Variants in CACNA1A observed in about 807,000 individuals in gnomAD.
CACNA1A encodes the protein calcium voltage-gated channel subunit alpha1 A.
Under a neutral mutation model 262.4 loss-of-function variants are expected in CACNA1A, and 57 were observed. The ratio of observed to expected loss-of-function variants is 0.22; its 90% CI spans 0.18 to 0.27. The LOEUF (loss-of-function observed/expected upper bound fraction) is 0.27, where lower values mean the gene tolerates loss of function less well. CACNA1A is among the 10% of genes least tolerant of loss of function. The pLI, the probability that CACNA1A is intolerant of heterozygous loss-of-function variation, is 1.00. For missense variants in CACNA1A, 2,526 were observed against 3,562.8 expected, an observed-to-expected ratio of 0.71 and a Z score of 7.41; for synonymous variants, 1,431 against 1,419.3, an observed-to-expected ratio of 1.01 and a Z score of -0.18.
intron 6 of CACNA1A, among the ~76,000 whole-genome samples, chr19:13,351,894 C>G (rs113029572): frequency 6.6e-6 from 1 of 152,168 alleles, no homozygotes. Context: ...ATCCTCCCAC[C>G]TCAGCTTCCT....
chr19:13,261,322 G>T, intron 26 of CACNA1A, 128 bp downstream of exon 26: 1 of 752,288 alleles, frequency 1.3e-6, no homozygotes, highest in Non-Finnish European at 2.1e-6. Flanking sequence ...CAAGCTGGTT[G>T]CAACTGAGTC....
intron 3 of CACNA1A, among the ~76,000 whole-genome samples, chr19:13,401,287 C>CACTT (rs2059896137): frequency 6.6e-6 from 1 of 152,234 alleles, no homozygotes; most frequent in South Asian, 2.1e-4. Flanking sequence ...CCAACTCTGC[C>CACTT]ACTTCCTAGC....
intron 24 of CACNA1A, chr19:13,275,643 AGG>A (rs34873095): frequency 1.7e-6 from 1 of 586,794 alleles, no homozygotes; most frequent in Admixed American, 2.6e-5. Context: ...GGTTGGCAGG[AGG>A]GGGGGTCCCT....
chr19:13,341,142 T>C (rs1465416170), intron 6 of CACNA1A, among the ~76,000 whole-genome samples: 1 of 152,056 alleles, frequency 6.6e-6, no homozygotes, highest in Non-Finnish European at 1.5e-5. Flanking sequence ...AGAGACAACC[T>C]TGCACAGAGG....
intron 11 of CACNA1A, among the ~76,000 whole-genome samples, chr19:13,313,051 G>C (rs537900893): frequency 4.9e-4 from 75 of 151,946 alleles, no homozygotes; most frequent in African/African-American, 1.8e-3. Flanking sequence ...GTGGAGATGG[G>C]GGTCTCACTA....
At chr19:13,496,415 G>T (rs1469502053) in intron 1 of CACNA1A, among the ~76,000 whole-genome samples, 1 of 152,162 alleles carries the variant, frequency 6.6e-6, no homozygotes, top group Non-Finnish European at 1.5e-5. Context: ...GTTAGAGGAA[G>T]GGGAAGCTGT....
chr19:13,436,201 A>C (rs1288344049), intron 3 of CACNA1A, among the ~76,000 whole-genome samples: 2 of 152,170 alleles, frequency 1.3e-5, no homozygotes, highest in African/African-American at 4.8e-5. Context: ...GCTTTTTCGA[A>C]GCACTCAGCA....
chr19:13,233,549 A>G (rs573981705), intron 34 of CACNA1A, among the ~76,000 whole-genome samples: 4 of 152,224 alleles, frequency 2.6e-5, no homozygotes, highest in Admixed American at 6.5e-5. Context: ...GTGCAGTGGC[A>G]CAATCATAGC....
At chr19:13,369,181 T>A (rs1194724595) in intron 4 of CACNA1A, among the ~76,000 whole-genome samples, 1 of 152,158 alleles carries the variant, frequency 6.6e-6, no homozygotes, top group Admixed American at 6.5e-5. Context: ...GCTATGGATG[T>A]TGGTTGCTAA....
Position 13,207,704 on chromosome 19 carries a change from C to G in CACNA1A, c.7130G>C (p.Ser2377Thr). ...GTGTCGACAGGCCCTGGGGGACTCG[C>G]TCCGGGCCGGGCCTGGGACCCGCCT... is the stretch of plus-strand genomic sequence containing the variant. The part of the protein sequence containing the change: ...MERRVPGPAR[S>T]ESPRACRHGG... The change falls in exon 47 of 47, where the codon AGC (serine) becomes ACC (threonine). Residue 2377 changes from serine (S) to threonine (T), a missense_variant. Ser to Thr is a moderately conservative substitution (Grantham distance 58). Around this residue, in one of 17 missense-constraint regions of CACNA1A, gnomAD observed 929 missense variants for 868.1 expected, o/e 1.07. Transcript: ENST00000360228. The surrounding 1 kb of genome is among the most constrained non-coding windows in gnomAD (Gnocchi z 5.7). The G allele has an allele frequency of 7.3e-7, 1 of 1,369,256 alleles. No individual in the cohort carries two copies. Among genetic ancestry groups the G allele is most frequent in the South Asian group, 1.7e-5 (1 of 59,672 alleles). 84.8% of individuals were successfully genotyped at this position (1,369,256 alleles called of 1,614,324 possible). A position where few individuals can be genotyped will look rare whatever the true frequency, so the allele number is the denominator to read the frequency against.
At chr19:13,467,704 A>C (rs4926291) in intron 1 of CACNA1A, among the ~76,000 whole-genome samples, 1 of 150,966 alleles carries the variant, frequency 6.6e-6, no homozygotes, top group Admixed American at 6.6e-5. Flanking sequence ...TCCTGGGTTC[A>C]AGTGATTCTC....
intron 3 of CACNA1A, among the ~76,000 whole-genome samples, chr19:13,389,573 A>C (rs1010858526): frequency 6.6e-6 from 1 of 151,974 alleles, no homozygotes; most frequent in Admixed American, 6.6e-5. Flanking sequence ...TGGCTTATTC[A>C]CATATTTTTT....
At chr19:13,303,083 G>A (rs1193277717) in intron 17 of CACNA1A, among the ~76,000 whole-genome samples, 1 of 152,092 alleles carries the variant, frequency 6.6e-6, no homozygotes, top group Admixed American at 6.5e-5. Flanking sequence ...GAGAGAAGGT[G>A]GGGACATTTA....
At chr19:13,261,711 AT>A in intron 25 of CACNA1A, 101 bp from the exon 26 acceptor site, 1 of 1,164,040 alleles carries the variant, frequency 8.6e-7, no homozygotes, top group Non-Finnish European at 1.2e-6. Flanking sequence ...GATCATTCCC[AT>A]TTTACAGGCA....
rs61178346 is a variant in CACNA1A at position 13,212,827 on chromosome 19, TACACAC to T, written c.5941-93_5941-88del. On this transcript the variant is annotated intron_variant, in intron 40 of 46. Transcript: ENST00000360228. The surrounding 1 kb of genome is among the most constrained non-coding windows in gnomAD (Gnocchi z 5.6). ...AGAAGGCATTGCGACATCCCCAGTATACACACACACACACACACACACTCTCTCAGG... is the reference window on the plus strand; with the variant it reads ...AGAAGGCATTGCGACATCCCCAGTATACACACACACACACACTCTCTCAGG... 2.5e-5 allele frequency: 13 copies of T among 518,254 alleles called. No homozygotes were observed. Among genetic ancestry groups the T allele is most frequent in the South Asian group, 2.3e-4 (7 of 30,656 alleles). The allele number at this position is 518,254 out of a possible 1,614,324, so 32.1% of individuals were successfully genotyped here.
intron 1 of CACNA1A, among the ~76,000 whole-genome samples, chr19:13,475,967 G>T (rs1158188683): frequency 6.6e-6 from 1 of 152,146 alleles, no homozygotes; most frequent in East Asian, 1.9e-4. Context: ...TAGTGCAGGG[G>T]TTTATATGAG....
chr19:13,234,793 C>T, intron 34 of CACNA1A, 128 bp downstream of exon 34: 1 of 691,174 alleles, frequency 1.4e-6, no homozygotes, highest in South Asian at 1.8e-5. Flanking sequence ...CGCGCCCCTG[C>T]CAGAAGAGAA....
At chr19:13,302,243 C>T (rs145949116) in intron 17 of CACNA1A, among the ~76,000 whole-genome samples, 1 of 152,344 alleles carries the variant, frequency 6.6e-6, no homozygotes, top group East Asian at 1.9e-4. Flanking sequence ...GAATTTTTCT[C>T]TGTTGTGTTT....
At chr19:13,283,454 T>C in intron 21 of CACNA1A, 58 bp from the exon 22 acceptor site, 1 of 1,606,916 alleles carries the variant, frequency 6.2e-7, no homozygotes, top group Non-Finnish European at 8.5e-7. Flanking sequence ...CACAAACCCT[T>C]TTCTTCCATA....
Sources: allele counts gnomAD v4.1 joint callset (sites outside exome capture counted in the v4.1 genomes callset), GRCh38; gene constraint gnomAD v4.1.1; regional missense constraint gnomAD v4.1.1; non-coding constraint Gnocchi (gnomAD v3.1); transcripts MANE v1.5; gene names NCBI Gene and HGNC (gene_info 2026-07-23, HGNC 2026-07-21).